Variants in TAF1B observed in about 807,000 individuals in gnomAD.
TAF1B encodes the protein TATA box-binding protein-associated factor RNA polymerase I subunit B.
Under a neutral mutation model 83.9 loss-of-function variants are expected in TAF1B, and 61 were observed. The ratio of observed to expected loss-of-function variants is 0.73; its 90% confidence interval spans 0.59 to 0.90. The LOEUF (loss-of-function observed/expected upper bound fraction) is 0.90. Among genes scored for constraint, TAF1B ranks in the 40% least tolerant of loss-of-function variants. The pLI, the probability that TAF1B is intolerant of heterozygous loss-of-function variation, is 0.00. For synonymous variants in TAF1B, 221 were observed against 224.6 expected, an observed-to-expected ratio of 0.98 and a Z score of 0.14; for missense variants, 625 against 677.0, an observed-to-expected ratio of 0.92 and a Z score of 0.85.
chr2:9,913,198 T>C lies in TAF1B; in HGVS notation c.1220T>C (p.Met407Thr), dbSNP rs755543298. 1.2e-6 allele frequency: 2 copies of C among 1,612,064 alleles called. No homozygotes were observed. Among genetic ancestry groups the C allele is most frequent in the South Asian group, 1.1e-5 (1 of 90,294 alleles). Residue 407 changes from methionine (M) to threonine (T), a missense_variant, in exon 12 of 15, where the codon ATG (methionine) becomes ACG (threonine). Transcript: ENST00000263663. Reference sequence around the variant, plus strand: ...GATTTCAGAAAGTGGTACCAAATTATGAAGAAAGCTTTTGATGAGAAAAAA... The same window carrying C: ...GATTTCAGAAAGTGGTACCAAATTACGAAGAAAGCTTTTGATGAGAAAAAA... ...WFDFRKWYQI[M>T]KKAFDEKKQK...
chr2:9,864,589 T>C (rs965143374), intron 5 of TAF1B, among the ~76,000 whole-genome samples: 2 of 152,184 alleles, frequency 1.3e-5, no homozygotes, highest in Admixed American at 6.5e-5. Flanking sequence ...GCTCATTTTA[T>C]GAGGCCAGCA....
intron 12 of TAF1B, among the ~76,000 whole-genome samples, chr2:9,916,507 C>T (rs1215900296): frequency 6.6e-6 from 1 of 152,150 alleles, no homozygotes; most frequent in Admixed American, 6.5e-5. Context: ...TAGGCATTTA[C>T]TGTAAATGCA....
intron 5 of TAF1B, among the ~76,000 whole-genome samples, chr2:9,860,972 C>T (rs1663733111): frequency 1.3e-5 from 2 of 152,122 alleles, no homozygotes; most frequent in South Asian, 2.1e-4. Context: ...AGGGGTGGAG[C>T]CAAGATGGCC....
chr2:9,898,561 A>G (rs1480845998), intron 8 of TAF1B, among the ~76,000 whole-genome samples: 2 of 152,198 alleles, frequency 1.3e-5, no homozygotes, highest in Admixed American at 1.3e-4. Context: ...AGTTTAACAT[A>G]TATGAAAACA....
intron 14 of TAF1B, among the ~76,000 whole-genome samples, chr2:9,929,620 A>G (rs1314317839): frequency 6.6e-6 from 1 of 152,174 alleles, no homozygotes; most frequent in Non-Finnish European, 1.5e-5. Flanking sequence ...ATCAATGTTC[A>G]TCAAGGATAT....
At chr2:9,868,885 C>T in intron 6 of TAF1B, 1 of 341,172 alleles carries the variant, frequency 2.9e-6, no homozygotes, top group Non-Finnish European at 5.7e-6. Context: ...GATATAATTC[C>T]ATAACTTGAA....
chr2:9,871,740 C>T (rs1027750810), intron 6 of TAF1B, among the ~76,000 whole-genome samples: 3 of 152,116 alleles, frequency 2.0e-5, no homozygotes, highest in Non-Finnish European at 2.9e-5. Context: ...CTTTTCCCCC[C>T]GAGCTGATCA....
At chr2:9,860,195 G>T (rs189798471) in intron 5 of TAF1B, among the ~76,000 whole-genome samples, 2 of 152,284 alleles carry the variant, frequency 1.3e-5, no homozygotes, top group Admixed American at 6.5e-5. Context: ...TACAATTCAA[G>T]ATGAGATTTG....
At chr2:9,927,315 G>A (rs1350503823) in intron 14 of TAF1B, among the ~76,000 whole-genome samples, 1 of 152,130 alleles carries the variant, frequency 6.6e-6, no homozygotes, top group Non-Finnish European at 1.5e-5. Context: ...ATTGTGAATA[G>A]TGCCACAGCA....
In TAF1B at chr2:9,919,738, C is replaced by T. The variant is rs1321947878; in HGVS notation, c.1483C>T (p.Gln495Ter). The T allele has an allele frequency of 6.2e-7, 1 of 1,614,152 alleles. No homozygotes were observed. Among genetic ancestry groups the T allele is most frequent in the Non-Finnish European group, 8.5e-7 (1 of 1,180,022 alleles). The change falls in exon 14 of 15, where the codon CAG (glutamine) becomes TAG (stop). Residue 495 changes from glutamine to a stop codon, truncating the protein, a stop_gained. Transcript: ENST00000263663. LOFTEE classifies it high-confidence loss of function. ...DRTCFHGHSLQGVLKEKGQSL... is the reference protein window; with the variant it reads ...DRTCFHGHSL Reference sequence around the variant, plus strand: ...AACGTGTTTCCATGGACACAGCCTTCAGGGAGTCCTGAAAGAGAAAGGCCA... The same window carrying T: ...AACGTGTTTCCATGGACACAGCCTTTAGGGAGTCCTGAAAGAGAAAGGCCA...
At chr2:9,862,820 T>C (rs1413078965) in intron 5 of TAF1B, among the ~76,000 whole-genome samples, 9 of 152,104 alleles carry the variant, frequency 5.9e-5, no homozygotes, top group African/African-American at 1.7e-4. Flanking sequence ...ATTTTCAACC[T>C]ATAATTTCAT....
chr2:9,929,307 C>T (rs1325349296), intron 14 of TAF1B, among the ~76,000 whole-genome samples: 5 of 152,068 alleles, frequency 3.3e-5, no homozygotes, highest in African/African-American at 7.2e-5. Flanking sequence ...TACAGGTGCC[C>T]GCCTCCACAC....
chr2:9,916,771 A>G (rs1665691110), intron 12 of TAF1B, among the ~76,000 whole-genome samples: 1 of 151,688 alleles, frequency 6.6e-6, no homozygotes, highest in Non-Finnish European at 1.5e-5. Flanking sequence ...TCAGGAAACC[A>G]TCTCCTGTAT....
intron 7 of TAF1B, among the ~76,000 whole-genome samples, chr2:9,880,117 G>A (rs1353132124): frequency 6.6e-6 from 1 of 152,166 alleles, no homozygotes; most frequent in African/African-American, 2.4e-5. Flanking sequence ...AATGGTGACT[G>A]GGTTCAGGAT....
chr2:9,855,224 A>AC (rs1216680627), intron 5 of TAF1B, among the ~76,000 whole-genome samples: 1 of 152,180 alleles, frequency 6.6e-6, no homozygotes, highest in African/African-American at 2.4e-5. Context: ...TGAGCTCCTG[A>AC]CCGCAGATGA....
At chr2:9,845,172 T>G (rs771313166) in intron 1 of TAF1B, 48 bp from the exon 2 acceptor site, 1 of 1,441,132 alleles carries the variant, frequency 6.9e-7, no homozygotes, top group South Asian at 1.1e-5. Flanking sequence ...GTACGATGTA[T>G]TGAATGTGGC....
chr2:9,924,103 A>G (rs570006117), intron 14 of TAF1B, among the ~76,000 whole-genome samples: 53 of 152,184 alleles, frequency 3.5e-4, no homozygotes, highest in Non-Finnish European at 5.3e-4. Context: ...TATAAAACTA[A>G]ATTCTAACTG....
intron 2 of TAF1B, among the ~76,000 whole-genome samples, chr2:9,848,889 A>G (rs1254904121): frequency 2.0e-5 from 3 of 152,364 alleles, no homozygotes; most frequent in Non-Finnish European, 4.4e-5. Flanking sequence ...ATTAAAAATA[A>G]AATGTAATAC....
At chr2:9,896,620 CAAAAAAAAAAAA>C (rs71391108) in intron 8 of TAF1B, among the ~76,000 whole-genome samples, 15 of 66,540 alleles carry the variant, frequency 2.3e-4, no homozygotes, top group African/African-American at 6.5e-4. Context: ...ATCTAAAAAC[CAAAAAAAAAAAA>C]AAAAAAAAAA....
Sources: gnomAD v4.1 joint callset for allele counts (sites outside exome capture counted in the v4.1 genomes callset) on GRCh38, gnomAD v4.1.1 for gene constraint, MANE v1.5 for transcripts, NCBI Gene and HGNC (gene_info 2026-07-23, HGNC 2026-07-21) for gene names.